Variants in DOCK3 observed in about 807,000 individuals in gnomAD.
The protein encoded by DOCK3 is dedicator of cytokinesis 3.
In DOCK3, 60 loss-of-function variants were observed where a neutral mutation model predicts 265.6. The observed-to-expected ratio is 0.23, with a 90% CI of 0.18 to 0.28. The LOEUF (loss-of-function observed/expected upper bound fraction) is 0.28, where lower values mean the gene tolerates loss of function less well. DOCK3 is among the 10% of genes least tolerant of loss of function. The pLI, the probability that DOCK3 is intolerant of heterozygous loss-of-function variation, is 1.00. For synonymous variants in DOCK3, 881 were observed against 938.0 expected, an observed-to-expected ratio of 0.94 and a Z score of 1.11; for missense variants, 1,981 against 2,594.3, an observed-to-expected ratio of 0.76 and a Z score of 5.14.
chr3:51,176,627 A>G (rs1169665598), intron 12 of DOCK3, among the ~76,000 whole-genome samples: 1 of 150,218 alleles, frequency 6.7e-6, no homozygotes, highest in African/African-American at 2.4e-5. Flanking sequence ...CTCCGTCTCA[A>G]AAAAAAAAAG....
intron 22 of DOCK3, 93 bp from the exon 23 acceptor site, chr3:51,260,063 G>C (rs2079771045): frequency 3.9e-6 from 5 of 1,289,328 alleles, no homozygotes; most frequent in Non-Finnish European, 5.3e-6. Flanking sequence ...TTTTGGTATA[G>C]AAACTGCTGT....
intron 5 of DOCK3, among the ~76,000 whole-genome samples, chr3:50,963,364 G>A (rs1041160527): frequency 6.6e-6 from 1 of 151,954 alleles, no homozygotes; most frequent in African/African-American, 2.4e-5. Context: ...TGACAGGGTG[G>A]TAGTGTTCTT....
At chr3:51,264,598 C>T (rs1482908165) in intron 23 of DOCK3, among the ~76,000 whole-genome samples, 6 of 152,056 alleles carry the variant, frequency 3.9e-5, no homozygotes, top group South Asian at 2.1e-4. Context: ...GAGGCTGAGG[C>T]GGGCAGATCA....
At chr3:51,041,162 GTA>G (rs1167854334) in intron 5 of DOCK3, among the ~76,000 whole-genome samples, 274 of 30,860 alleles carry the variant, frequency 8.9e-3, no homozygotes, top group South Asian at 0.022. Flanking sequence ...CTTACAAAAT[GTA>G]TATATATATA....
chr3:51,149,553 C>T (rs2085474936), intron 10 of DOCK3, among the ~76,000 whole-genome samples: 1 of 152,062 alleles, frequency 6.6e-6, no homozygotes, highest in Non-Finnish European at 1.5e-5. Context: ...GCATGAAGGG[C>T]TATTGAATTT....
intron 3 of DOCK3, among the ~76,000 whole-genome samples, chr3:50,843,018 G>A (rs745823412): frequency 2.6e-5 from 4 of 152,126 alleles, no homozygotes; most frequent in Non-Finnish European, 4.4e-5. Context: ...TAAAATTATT[G>A]TATGTTTGTG....
intron 21 of DOCK3, among the ~76,000 whole-genome samples, chr3:51,241,421 T>G (rs1456303309): frequency 6.6e-6 from 1 of 152,194 alleles, no homozygotes; most frequent in Non-Finnish European, 1.5e-5. Flanking sequence ...TCTTGTGAAG[T>G]ATTTTACTGG....
At chr3:51,280,071 G>A in intron 26 of DOCK3, 35 bp from the exon 27 acceptor site, 1 of 1,580,532 alleles carries the variant, frequency 6.3e-7, no homozygotes, top group South Asian at 1.1e-5. Flanking sequence ...CCTTGCAATT[G>A]GCCATGCTAA....
chr3:51,263,578 C>G (rs1361906569), intron 23 of DOCK3, among the ~76,000 whole-genome samples: 1 of 152,136 alleles, frequency 6.6e-6, no homozygotes, highest in Non-Finnish European at 1.5e-5. Context: ...CTATATTAAC[C>G]TTAAATGTAA....
Position 50,933,992 on chromosome 3 carries a change from C to G in DOCK3, c.230C>G (p.Thr77Ser). The G allele has an allele frequency of 6.2e-7, 1 of 1,604,416 alleles. No individual in the cohort carries two copies. Among genetic ancestry groups the G allele is most frequent in the African/African-American group, 1.3e-5 (1 of 74,840 alleles). Reference protein sequence around the residue: ...AIVSNRGQYETVVPLEDSIVT... With the variant: ...AIVSNRGQYESVVPLEDSIVT... ...GGCTCTGGTTCTAGGCAGTATGAAA[C>G]TGTGGTTCCACTTGAAGATTCTATT... is the stretch of plus-strand genomic sequence containing the variant. Residue 77 changes from threonine (T) to serine (S), a missense_variant, in exon 5 of 53, where the codon ACT becomes AGT. Physicochemically the swap from Thr to Ser is moderately conservative, Grantham distance 58. This residue lies in a region of DOCK3 where 456 missense variants were observed against 539.0 expected (regional missense o/e 0.85). Coordinates refer to ENST00000266037, the MANE Select transcript of DOCK3 (RefSeq NM_004947.5).
chr3:50,791,866 G>C (rs1373891816), intron 2 of DOCK3, among the ~76,000 whole-genome samples: 3 of 152,118 alleles, frequency 2.0e-5, no homozygotes, highest in Non-Finnish European at 4.4e-5. Context: ...GTAGCATGAT[G>C]CCTCCAGCTT....
chr3:51,186,888 A>T (rs1307026297), intron 12 of DOCK3, among the ~76,000 whole-genome samples: 1 of 152,238 alleles, frequency 6.6e-6, no homozygotes, highest in African/African-American at 2.4e-5. Flanking sequence ...AAATGCCTGG[A>T]TGCCCAGGCA....
chr3:51,298,109 A>G (rs2082198507), intron 27 of DOCK3, among the ~76,000 whole-genome samples: 1 of 152,220 alleles, frequency 6.6e-6, no homozygotes, highest in Admixed American at 6.5e-5. Context: ...AACCTTTTTA[A>G]TTATTGGATC....
At chr3:51,187,869 CTCTT>C (rs1373547814) in intron 12 of DOCK3, among the ~76,000 whole-genome samples, 1 of 151,612 alleles carries the variant, frequency 6.6e-6, no homozygotes, top group Admixed American at 6.6e-5. Context: ...TCCAATTAAC[CTCTT>C]TCTTTTGTAA....
chr3:50,964,848 G>A (rs1036439833), intron 5 of DOCK3, among the ~76,000 whole-genome samples: 1 of 152,032 alleles, frequency 6.6e-6, no homozygotes, highest in Non-Finnish European at 1.5e-5. Context: ...TTACTCAAAA[G>A]CAGTGGTAAA....
chr3:50,729,278 C>T lies in DOCK3; in HGVS notation c.38-49397C>T, dbSNP rs542253639. Among the ~76,000 whole-genome samples the T allele has an allele frequency of 3.8e-3, 558 of 146,774 alleles. 4 individuals are homozygous for T. Among genetic ancestry groups the T allele is most frequent in the Middle Eastern group, 0.014 (4 of 278 alleles). On this transcript the variant is annotated intron_variant, in intron 1 of 52. Transcript: ENST00000266037. ...TTGAGGCTGCAGTGAGCTGTGATTG[C>T]GGCGCTGCACTCCAGGGCAGGCAAA...
At chr3:51,140,267 C>T (rs2084989101) in intron 9 of DOCK3, among the ~76,000 whole-genome samples, 1 of 152,116 alleles carries the variant, frequency 6.6e-6, no homozygotes, top group African/African-American at 2.4e-5. Flanking sequence ...TTCCTCCAGA[C>T]CCCCAGCCCT....
At chr3:51,162,499 G>A (rs1200059491) in intron 12 of DOCK3, among the ~76,000 whole-genome samples, 1 of 152,168 alleles carries the variant, frequency 6.6e-6, no homozygotes. Flanking sequence ...TTGATGGGTG[G>A]TGGAACCTGC....
At chr3:50,757,226 A>C (rs1414506521) in intron 1 of DOCK3, among the ~76,000 whole-genome samples, 1 of 124,064 alleles carries the variant, frequency 8.1e-6, no homozygotes, top group Non-Finnish European at 1.6e-5. Context: ...GCTGGAGTGC[A>C]ATGGTGTGAT....
Sources: allele counts gnomAD v4.1 joint callset (sites outside exome capture counted in the v4.1 genomes callset), GRCh38; gene constraint gnomAD v4.1.1; regional missense constraint gnomAD v4.1.1; transcripts MANE v1.5; gene names NCBI Gene and HGNC (gene_info 2026-07-23, HGNC 2026-07-21).